Variants in CACNA1B observed in about 807,000 individuals in gnomAD.
CACNA1B encodes the protein calcium voltage-gated channel subunit alpha1 B.
CACNA1B carries 70 observed loss-of-function variants against 247.2 expected under a neutral mutation model. The ratio of observed to expected loss-of-function variants is 0.28; its 90% CI spans 0.23 to 0.35. The LOEUF (loss-of-function observed/expected upper bound fraction) is 0.35, where lower values mean the gene tolerates loss of function less well. Among genes scored for constraint, CACNA1B ranks in the 10% least tolerant of loss-of-function variants. The pLI is 1.00. For synonymous variants in CACNA1B, 1,231 were observed against 1,294.4 expected, an observed-to-expected ratio of 0.95 and a Z score of 1.05; for missense variants, 2,367 against 3,197.4, an observed-to-expected ratio of 0.74 and a Z score of 6.26.
intron 6 of CACNA1B, among the ~76,000 whole-genome samples, chr9:137,933,312 A>G (rs1282451130): frequency 2.0e-5 from 3 of 151,912 alleles, no homozygotes; most frequent in Non-Finnish European, 2.9e-5. Flanking sequence ...TGGCCTCCCA[A>G]AGTGCTGAGA....
At chr9:138,086,933 CA>C (rs1960711820) in intron 36 of CACNA1B, among the ~76,000 whole-genome samples, 1 of 151,246 alleles carries the variant, frequency 6.6e-6, no homozygotes, top group South Asian at 2.1e-4. Flanking sequence ...CAAGTCTCAA[CA>C]AATGTAAAAT....
intron 6 of CACNA1B, among the ~76,000 whole-genome samples, chr9:137,943,421 A>C (rs1260316911): frequency 6.6e-6 from 1 of 152,224 alleles, no homozygotes; most frequent in Non-Finnish European, 1.5e-5. Flanking sequence ...TTGAGAGATA[A>C]AGAACGAGTC....
chr9:137,938,879 C>G (rs1957699058), intron 6 of CACNA1B, among the ~76,000 whole-genome samples: 1 of 152,112 alleles, frequency 6.6e-6, no homozygotes. Flanking sequence ...TTGAGACCAG[C>G]CTGGCCAACA....
intron 12 of CACNA1B, among the ~76,000 whole-genome samples, chr9:137,980,595 G>A (rs1040005455): frequency 5.9e-5 from 9 of 152,208 alleles, no homozygotes; most frequent in African/African-American, 1.9e-4. Flanking sequence ...TGAGGTTTGG[G>A]ATACACACGA....
At position 138,124,280 on chromosome 9, in the gene CACNA1B, A is replaced by G. The variant is rs1962192608; in HGVS notation, c.*2281A>G. The G allele has an allele frequency of 6.6e-6, 1 of 152,130 alleles. No individual in the cohort carries two copies. The highest frequency in any genetic ancestry group is 6.5e-5 in the Admixed American group (1 of 15,274). The allele number at this position is 152,130 out of a possible 1,614,324, so 9.4% of individuals were successfully genotyped here. A position where few individuals can be genotyped will look rare whatever the true frequency, so the allele number is the denominator to read the frequency against. ...AACAAGTTATGTGTGCATGTAACAT[A>G]TATACATATATACATATATACAAGT... On this transcript the variant is annotated 3_prime_UTR_variant, in exon 47 of 47. Coordinates refer to ENST00000371372, the MANE Select transcript of CACNA1B (RefSeq NM_000718.4).
chr9:138,110,901 CAAA>C (rs1961604890), intron 39 of CACNA1B, among the ~76,000 whole-genome samples: 1 of 151,512 alleles, frequency 6.6e-6, no homozygotes, highest in South Asian at 2.1e-4. Context: ...GAAGTGTCAT[CAAA>C]GAAGATATAT....
rs568835487 is a variant in CACNA1B at position 137,882,470 on chromosome 9, G to A, written c.391-274G>A. ...CGTGGGCAGAAGCTGAGATGCCAGG[G>A]TGGGAGGCACGAGGGGCCTGCAGGC... On this transcript the variant is annotated intron_variant, in intron 2 of 46. Coordinates refer to ENST00000371372, the MANE Select transcript of CACNA1B (RefSeq NM_000718.4). The surrounding 1 kb of genome is among the most constrained non-coding windows in gnomAD (Gnocchi z 4.0). Among the ~76,000 whole-genome samples, 27 of 152,370 alleles carry A rather than the reference G, an allele frequency of 1.8e-4. No homozygotes were observed. The highest frequency in any genetic ancestry group is 6.5e-4 in the African/African-American group (27 of 41,590).
intron 15 of CACNA1B, among the ~76,000 whole-genome samples, chr9:137,996,294 G>A (rs953940755): frequency 3.3e-5 from 5 of 152,174 alleles, no homozygotes; most frequent in African/African-American, 9.7e-5. Context: ...TGAAGAAAAC[G>A]TAGTGTATAC....
intron 41 of CACNA1B, 38 bp from the exon 42 acceptor site, chr9:138,115,514 C>G (rs1257059151): frequency 1.5e-5 from 24 of 1,601,126 alleles, no homozygotes; most frequent in Non-Finnish European, 2.0e-5. Flanking sequence ...ATTGCAGGCC[C>G]ATTGGAGCTC....
At chr9:137,987,716 G>A in intron 15 of CACNA1B, among the ~76,000 whole-genome samples, 1 of 152,186 alleles carries the variant, frequency 6.6e-6, no homozygotes, top group East Asian at 1.9e-4. Context: ...AAGGGAGGAA[G>A]TCTTACCAGC....
In CACNA1B at chr9:138,073,515, C is replaced by T. The variant is rs781219106; in HGVS notation, c.4702C>T (p.Arg1568Cys). The T allele has an allele frequency of 1.6e-5, 25 of 1,612,472 alleles. No individual in the cohort carries two copies. The highest frequency in any genetic ancestry group is 2.0e-5 in the Non-Finnish European group (24 of 1,178,562). ...CAATTTCATCAACCTCAGCTTCCTCCGCCTCTTTCGAGCTGCGCGGCTGAT... is the reference window on the plus strand; with the variant it reads ...CAATTTCATCAACCTCAGCTTCCTCTGCCTCTTTCGAGCTGCGCGGCTGAT... ...TNNFINLSFL[R>C]LFRAARLIKL... The change falls in exon 33 of 47, where the codon CGC (arginine) becomes TGC (cysteine). Residue 1568 changes from arginine to cysteine, a missense_variant. Transcript: ENST00000371372. This position sits in a 1 kb window ranked among gnomAD's most constrained non-coding sequence, Gnocchi z 6.4.
At chr9:137,937,389 GA>G (rs1957680383) in intron 6 of CACNA1B, among the ~76,000 whole-genome samples, 2 of 152,186 alleles carry the variant, frequency 1.3e-5, no homozygotes, top group South Asian at 4.2e-4. Flanking sequence ...CAAAGGCAAA[GA>G]AATAAGAATA....
intron 3 of CACNA1B, among the ~76,000 whole-genome samples, chr9:137,897,906 CTCTTTCCATTTT>C (rs1456432060): frequency 6.6e-6 from 1 of 152,022 alleles, no homozygotes; most frequent in Non-Finnish European, 1.5e-5. Context: ...CACATTTTTA[CTCTTTCCATTTT>C]TCTATCTTCC....
rs1161401915 is a variant in CACNA1B, at chr9:137,990,435, A to G, written c.1974+3581A>G. Among the ~76,000 whole-genome samples, 2 of 152,088 alleles carry G rather than the reference A, an allele frequency of 1.3e-5. No homozygotes were observed. The highest frequency in any genetic ancestry group is 2.9e-5 in the Non-Finnish European group (2 of 68,010). On this transcript the variant is annotated intron_variant, in intron 15 of 46. Coordinates refer to ENST00000371372, the MANE Select transcript of CACNA1B (RefSeq NM_000718.4). The surrounding 1 kb of genome is among the most constrained non-coding windows in gnomAD (Gnocchi z 4.5). ...TCTGTGGTCCTGCCCACCCCCTGAG[A>G]AACCTGAATACTTAATTAGGCTACC... is the stretch of plus-strand genomic sequence containing the variant.
At chr9:137,993,748 G>C (rs1958463508) in intron 15 of CACNA1B, among the ~76,000 whole-genome samples, 1 of 152,088 alleles carries the variant, frequency 6.6e-6, no homozygotes, top group African/African-American at 2.4e-5. Context: ...GATGAATTCA[G>C]AGCAAAATTC....
Position 138,110,965 on chromosome 9 carries a change from C to T in CACNA1B, c.5429-1433C>T, listed in dbSNP as rs138052406. On this transcript the variant is annotated intron_variant, in intron 39 of 46. Coordinates refer to ENST00000371372, the MANE Select transcript of CACNA1B (RefSeq NM_000718.4). Reference sequence around the variant, plus strand: ...ATGCTTGATGTCATTAATCATTAGACAAATCCAGAATTTAAAAAAAAAAAA... The same window carrying T: ...ATGCTTGATGTCATTAATCATTAGATAAATCCAGAATTTAAAAAAAAAAAA... Among the ~76,000 whole-genome samples, 44 of 148,004 alleles carry T rather than the reference C, an allele frequency of 3.0e-4. 1 individual carries two copies. In the East Asian group the frequency reaches 8.5e-3, roughly 29 times the overall value.
chr9:138,028,530 T>C (rs554316710), intron 20 of CACNA1B, among the ~76,000 whole-genome samples: 1 of 152,326 alleles, frequency 6.6e-6, no homozygotes, highest in East Asian at 1.9e-4. Flanking sequence ...TTATTGAAAC[T>C]TGTACTTTTC....
chr9:137,989,272 A>C (rs571964022), intron 15 of CACNA1B, among the ~76,000 whole-genome samples: 1 of 152,340 alleles, frequency 6.6e-6, no homozygotes, highest in Middle Eastern at 3.4e-3. Flanking sequence ...AGCTATTTAC[A>C]TTTTAGAAGC....
rs1369669168 is a variant in CACNA1B at position 138,121,123 on chromosome 9, C to A, written c.6489+242C>A. Among the ~76,000 whole-genome samples, 1 of 152,170 alleles carries A rather than the reference C, an allele frequency of 6.6e-6. No homozygotes were observed. Among genetic ancestry groups the A allele is most frequent in the Admixed American group, 6.5e-5 (1 of 15,280 alleles). On this transcript the variant is annotated intron_variant, in intron 46 of 46. Coordinates refer to ENST00000371372, the MANE Select transcript of CACNA1B (RefSeq NM_000718.4). This position sits in a 1 kb window ranked among gnomAD's most constrained non-coding sequence, Gnocchi z 6.8. ...TGGGACAGTGGTTCTGCGTCCTATC[C>A]ACTTTCGGACCTGGGCCCCCAAATA...
Sources: gnomAD v4.1 joint callset for allele counts (sites outside exome capture counted in the v4.1 genomes callset) on GRCh38, gnomAD v4.1.1 for gene constraint, Gnocchi (gnomAD v3.1) non-coding constraint, MANE v1.5 for transcripts, NCBI Gene and HGNC (gene_info 2026-07-23, HGNC 2026-07-21) for gene names.